ATRNL1: variants seen among roughly 807,000 people sequenced by gnomAD.
ATRNL1 encodes the protein attractin-like protein 1.
In ATRNL1, 95 loss-of-function variants were observed where a neutral mutation model predicts 182.7. The ratio of observed to expected loss-of-function variants is 0.52; its 90% CI spans 0.44 to 0.62. ATRNL1 has a LOEUF of 0.62. Among genes scored for constraint, ATRNL1 ranks in the 20% least tolerant of loss-of-function variants. The pLI is 0.00. For synonymous variants in ATRNL1, 576 were observed against 568.3 expected (o/e 1.01, Z -0.19); for missense variants, 1,471 against 1,679.5 (o/e 0.88, Z 2.17).
At chr10:115,915,090 G>A (rs1952803862) in intron 28 of ATRNL1, among the ~76,000 whole-genome samples, 1 of 152,138 alleles carries the variant, frequency 6.6e-6, no homozygotes, top group African/African-American at 2.4e-5. Context: ...TAAATGTCTT[G>A]ATGATCAAAA....
chr10:115,133,944 A>C (rs1813645535), intron 5 of ATRNL1, among the ~76,000 whole-genome samples: 1 of 152,074 alleles, frequency 6.6e-6, no homozygotes, highest in African/African-American at 2.4e-5. Context: ...CTCCTGAATG[A>C]CTACTGGGTA....
intron 24 of ATRNL1, among the ~76,000 whole-genome samples, chr10:115,510,107 A>C (rs1554982266): frequency 6.6e-6 from 1 of 152,054 alleles, no homozygotes. Flanking sequence ...CTGCAATGTA[A>C]TGATAAAACT....
At chr10:115,814,668 G>A (rs533968451) in intron 27 of ATRNL1, among the ~76,000 whole-genome samples, 45 of 152,184 alleles carry the variant, frequency 3.0e-4, no homozygotes, top group Middle Eastern at 3.4e-3. Context: ...TAATTGACAG[G>A]GTAAGGCAGA....
chr10:115,202,465 C>A (rs1317322578), intron 8 of ATRNL1, among the ~76,000 whole-genome samples: 1 of 151,966 alleles, frequency 6.6e-6, no homozygotes, highest in Non-Finnish European at 1.5e-5. Context: ...TTGTCAAAGG[C>A]CTTTTCTGCA....
intron 25 of ATRNL1, among the ~76,000 whole-genome samples, chr10:115,536,014 C>T (rs1214569170): frequency 3.3e-5 from 5 of 150,832 alleles, no homozygotes; most frequent in Admixed American, 6.6e-5. Flanking sequence ...GTCAGTCTGC[C>T]CCTACTGGGG....
intron 25 of ATRNL1, among the ~76,000 whole-genome samples, chr10:115,527,687 T>C (rs1024930063): frequency 6.6e-6 from 1 of 152,178 alleles, no homozygotes; most frequent in African/African-American, 2.4e-5. Context: ...ATAAATTCAT[T>C]GACATATTTA....
At chr10:115,609,316 G>T (rs1857034200) in intron 26 of ATRNL1, among the ~76,000 whole-genome samples, 1 of 152,126 alleles carries the variant, frequency 6.6e-6, no homozygotes, top group Non-Finnish European at 1.5e-5. Flanking sequence ...GATGGGTGCA[G>T]TTGAGAGCAC....
chr10:115,258,969 T>C (rs1554907878), intron 10 of ATRNL1, among the ~76,000 whole-genome samples: 1 of 152,186 alleles, frequency 6.6e-6, no homozygotes, highest in Non-Finnish European at 1.5e-5. Context: ...CAAGTATTAC[T>C]GCCTGATCCT....
chr10:115,518,927 CCT>C (rs1382909554), intron 24 of ATRNL1, among the ~76,000 whole-genome samples: 11 of 151,696 alleles, frequency 7.3e-5, no homozygotes, highest in African/African-American at 2.7e-4. Context: ...GAGAAAATTC[CCT>C]GTTTTCTTAG....
intron 25 of ATRNL1, among the ~76,000 whole-genome samples, chr10:115,532,603 T>G (rs1299396821): frequency 2.6e-5 from 4 of 151,342 alleles, no homozygotes; most frequent in Non-Finnish European, 4.4e-5. Context: ...TTTTCCTAAT[T>G]GAATACCCTT....
At chr10:115,932,231 C>A (rs1312006767) in intron 28 of ATRNL1, among the ~76,000 whole-genome samples, 1 of 152,190 alleles carries the variant, frequency 6.6e-6, no homozygotes, top group Non-Finnish European at 1.5e-5. Flanking sequence ...TTTAATCAAA[C>A]GACTTTCCAA....
At chr10:115,943,500 A>G (rs1314326187) in intron 28 of ATRNL1, among the ~76,000 whole-genome samples, 1 of 152,222 alleles carries the variant, frequency 6.6e-6, no homozygotes, top group Non-Finnish European at 1.5e-5. Flanking sequence ...AGAATGGCTA[A>G]CACCTAAAAC....
intron 17 of ATRNL1, among the ~76,000 whole-genome samples, chr10:115,304,755 A>G (rs969047518): frequency 1.3e-5 from 2 of 152,080 alleles, no homozygotes; most frequent in African/African-American, 4.8e-5. Flanking sequence ...TTCTACACAC[A>G]TGGGGATATG....
intron 1 of ATRNL1, among the ~76,000 whole-genome samples, chr10:115,109,031 C>T (rs1844145111): frequency 6.6e-6 from 1 of 152,092 alleles, no homozygotes; most frequent in African/African-American, 2.4e-5. Flanking sequence ...CACATTTCTG[C>T]CAATATTCTG....
chr10:115,615,041 A>G (rs565741896), intron 26 of ATRNL1, among the ~76,000 whole-genome samples: 58 of 152,016 alleles, frequency 3.8e-4, no homozygotes, highest in Middle Eastern at 6.8e-3. Context: ...TTACTTTTCT[A>G]TTGAAACATA....
chr10:115,336,980 G>GC (rs1264929005), intron 19 of ATRNL1, among the ~76,000 whole-genome samples: 2 of 13,250 alleles, frequency 1.5e-4, no homozygotes, highest in South Asian at 1.3e-3. Context: ...CAAGTAGCTG[G>GC]GGGGGGGGGA....
intron 26 of ATRNL1, among the ~76,000 whole-genome samples, chr10:115,720,167 T>TC (rs1247456110): frequency 6.6e-6 from 1 of 151,996 alleles, no homozygotes; most frequent in Non-Finnish European, 1.5e-5. Flanking sequence ...CTGGCCCCTA[T>TC]CCCTTTTAAA....
At chr10:115,368,961 G>C (rs112742325) in intron 19 of ATRNL1, among the ~76,000 whole-genome samples, 5,285 of 152,038 alleles carry the variant, frequency 0.035, 295 homozygotes, top group African/African-American at 0.12. Context: ...TGATCTGCCT[G>C]CCTTGGCCTC....
At chr10:115,733,595 C>T (rs1394872994) in intron 27 of ATRNL1, among the ~76,000 whole-genome samples, 3 of 152,114 alleles carry the variant, frequency 2.0e-5, no homozygotes, top group African/African-American at 7.2e-5. Flanking sequence ...CATTGATGGC[C>T]TCATTCCTGG....
Sources: gnomAD v4.1 joint callset for allele counts (sites outside exome capture counted in the v4.1 genomes callset) on GRCh38, gnomAD v4.1.1 for gene constraint, MANE v1.5 for transcripts, NCBI Gene and HGNC (gene_info 2026-07-23, HGNC 2026-07-21) for gene names.